ELAVL3: variants seen among roughly 807,000 people sequenced by gnomAD.
ELAVL3 encodes the protein ELAV like RNA binding protein 3, also known as ELAV-like protein 3.
ELAVL3 carries 8 observed loss-of-function variants against 34.2 expected under a neutral mutation model. That is an observed-to-expected ratio of 0.23 (90% CI 0.14 to 0.42). The LOEUF (loss-of-function observed/expected upper bound fraction) is 0.42. Ranked by LOEUF, ELAVL3 falls within the 10% of genes least tolerant of loss-of-function variation. The pLI is 1.00. For synonymous variants in ELAVL3, 209 were observed against 222.1 expected (o/e 0.94, Z 0.53); for missense variants, 273 against 518.8 (o/e 0.53, Z 4.60).
At chr19:11,470,654 C>G (rs1395837922) in intron 1 of ELAVL3, among the ~76,000 whole-genome samples, 1 of 151,980 alleles carries the variant, frequency 6.6e-6, no homozygotes, top group African/African-American at 2.4e-5. Flanking sequence ...CCAGCCTGGG[C>G]AACAAGAGCG....
chr19:11,472,083 G>A (rs1004490930), intron 1 of ELAVL3, among the ~76,000 whole-genome samples: 1 of 152,162 alleles, frequency 6.6e-6, no homozygotes, highest in African/African-American at 2.4e-5. Flanking sequence ...GGTGGGTCAC[G>A]GCTGTAATCC....
chr19:11,478,997 G>A (rs1044818687), intron 1 of ELAVL3, among the ~76,000 whole-genome samples: 2 of 152,128 alleles, frequency 1.3e-5, no homozygotes, highest in Admixed American at 6.6e-5. Flanking sequence ...CTTCCTCCCA[G>A]CCTGTCCCCA....
chr19:11,477,657 C>T (rs186634522), intron 1 of ELAVL3, among the ~76,000 whole-genome samples: 2 of 151,170 alleles, frequency 1.3e-5, no homozygotes, highest in East Asian at 3.9e-4. Context: ...GTTGGCAGTA[C>T]ACAAGCCACT....
intron 3 of ELAVL3, among the ~76,000 whole-genome samples, chr19:11,463,419 C>G (rs989286712): frequency 3.9e-5 from 6 of 152,176 alleles, no homozygotes; most frequent in African/African-American, 1.4e-4. Flanking sequence ...GAGGGTGACA[C>G]AGGCCACTGT....
At chr19:11,473,519 G>A (rs1461428655) in intron 1 of ELAVL3, among the ~76,000 whole-genome samples, 1 of 152,196 alleles carries the variant, frequency 6.6e-6, no homozygotes, top group Non-Finnish European at 1.5e-5. Context: ...CCTGACTCAA[G>A]CTCCAATATC....
intron 1 of ELAVL3, among the ~76,000 whole-genome samples, chr19:11,471,375 G>A (rs1450223273): frequency 6.6e-6 from 1 of 151,758 alleles, no homozygotes; most frequent in Non-Finnish European, 1.5e-5. Flanking sequence ...AGCACTTTGG[G>A]AGGCCGAGGC....
intron 1 of ELAVL3, among the ~76,000 whole-genome samples, chr19:11,467,223 G>C (rs1031108035): frequency 2.6e-5 from 4 of 151,994 alleles, no homozygotes; most frequent in African/African-American, 9.7e-5. Flanking sequence ...GGGAGTTCGA[G>C]ACCAGCCAGA....
chr19:11,454,448 CTT>C lies in ELAVL3; in HGVS notation c.*76_*77del. 6 of 1,289,988 alleles carry C rather than the reference CTT, an allele frequency of 4.7e-6. No individual in the cohort carries two copies. The highest frequency in any genetic ancestry group is 2.5e-5 in the East Asian group (1 of 39,224). The allele number at this position is 1,289,988 out of a possible 1,614,324, so 79.9% of individuals were successfully genotyped here. ...TGCCTGTGCTGTCTCTCTTGGGCCC[CTT>C]CTCTCTCTCTCTCTCTCTTTCTCTC... On this transcript the variant is annotated 3_prime_UTR_variant, in exon 7 of 7. Coordinates refer to ENST00000359227, the MANE Select transcript of ELAVL3 (RefSeq NM_001420.4). The surrounding 1 kb of genome is among the most constrained non-coding windows in gnomAD (Gnocchi z 9.2).
chr19:11,465,637 C>T (rs114199763), intron 3 of ELAVL3, among the ~76,000 whole-genome samples: 3,411 of 152,160 alleles, frequency 0.022, 118 homozygotes, highest in African/African-American at 0.078. Flanking sequence ...ATTTGCAGGG[C>T]GGAGCCCAAA....
Position 11,466,417 on chromosome 19 carries a change from A to T in ELAVL3, c.230-142T>A, listed in dbSNP as rs949159586. The T allele has an allele frequency of 7.0e-6, 7 of 998,750 alleles. No individual in the cohort carries two copies. The highest frequency in any genetic ancestry group is 7.6e-6 in the Non-Finnish European group (5 of 658,472). 61.9% of individuals were successfully genotyped at this position (998,750 alleles called of 1,614,324 possible). A position where few individuals can be genotyped will look rare whatever the true frequency, so the allele number is the denominator to read the frequency against. On this transcript the variant is annotated intron_variant, in intron 2 of 6. Transcript: ENST00000359227. The surrounding 1 kb of genome is among the most constrained non-coding windows in gnomAD (Gnocchi z 5.0). ...ATGACACCTTCGATGCTAGAGTCCC[A>T]CCTGCCTCCATCGCTCCTGAGACCT...
intron 1 of ELAVL3, among the ~76,000 whole-genome samples, chr19:11,479,559 G>A (rs1299345811): frequency 6.6e-6 from 1 of 151,858 alleles, no homozygotes; most frequent in African/African-American, 2.4e-5. Context: ...GCCGGGGTGG[G>A]GCTATAACTG....
At position 11,473,296 on chromosome 19, in the gene ELAVL3, C is replaced by T. The variant is rs568019728; in HGVS notation, c.10-6469G>A. On this transcript the variant is annotated intron_variant, in intron 1 of 6. Coordinates refer to ENST00000359227, the MANE Select transcript of ELAVL3 (RefSeq NM_001420.4). Reference sequence around the variant, plus strand: ...AGGGGAATGGTGTGAACCCAGGAGACGGAGCTTGCAATGAGCCGAGATCGC... The same window carrying T: ...AGGGGAATGGTGTGAACCCAGGAGATGGAGCTTGCAATGAGCCGAGATCGC... 4.7e-5 allele frequency among the ~76,000 whole-genome samples: 7 copies of T among 147,456 alleles called. No homozygotes were observed. The South Asian group carries it at 8.7e-4, about 18-fold the overall frequency.
intron 3 of ELAVL3, among the ~76,000 whole-genome samples, chr19:11,464,169 T>A (rs12983107): frequency 0.075 from 5,412 of 72,344 alleles, 129 homozygotes; most frequent in East Asian, 0.15. Flanking sequence ...ATATATATAT[T>A]TTTTTTTTTT....
rs753277933 is a variant in ELAVL3, at chr19:11,458,483, G to T, written c.462C>A (p.Ser154=). Reference sequence around the variant, plus strand: ...CTGTGACCTGGTCCACCAGGATGCGGGACGTGATGATGCGGCCGTACTGGG... The same window carrying T: ...CTGTGACCTGGTCCACCAGGATGCGTGACGTGATGATGCGGCCGTACTGGG... ...LFSQYGRIIT[S]RILVDQVTGV... Residue 154 remains serine, a synonymous_variant, in exon 4 of 7, where the codon TCC becomes TCA. Transcript: ENST00000359227. This position sits in a 1 kb window ranked among gnomAD's most constrained non-coding sequence, Gnocchi z 7.3. 6.2e-7 allele frequency: 1 copy of T among 1,614,042 alleles called. No individual in the cohort carries two copies. Among genetic ancestry groups the T allele is most frequent in the African/African-American group, 1.3e-5 (1 of 74,936 alleles).
Position 11,471,572 on chromosome 19 carries a change from C to G in ELAVL3, c.10-4745G>C, listed in dbSNP as rs539878606. On this transcript the variant is annotated intron_variant, in intron 1 of 6. Coordinates refer to ENST00000359227, the MANE Select transcript of ELAVL3 (RefSeq NM_001420.4). ...AGTTTGCAGTGAGCTGAGATCGCGC[C>G]ATTGCACTCCAGCCTGGGCGACAGA... is the stretch of plus-strand genomic sequence containing the variant. Among the ~76,000 whole-genome samples the G allele has an allele frequency of 1.9e-4, 29 of 151,920 alleles. No homozygotes were observed. In the South Asian group the frequency reaches 5.8e-3, roughly 30 times the overall value.
At chr19:11,467,191 G>T (rs902502836) in intron 1 of ELAVL3, among the ~76,000 whole-genome samples, 4 of 152,102 alleles carry the variant, frequency 2.6e-5, no homozygotes, top group African/African-American at 9.7e-5. Flanking sequence ...GGGAAGCTGA[G>T]GCGGGCGGAT....
In ELAVL3 at chr19:11,480,830, G is replaced by T. The variant is rs1165015414; in HGVS notation, c.-222C>A. The T allele has an allele frequency of 2.6e-6, 1 of 390,052 alleles. No individual in the cohort carries two copies. Among genetic ancestry groups the T allele is most frequent in the Non-Finnish European group, 4.5e-6 (1 of 222,614 alleles). The allele number at this position is 390,052 out of a possible 1,614,324, so 24.2% of individuals were successfully genotyped here. A position where few individuals can be genotyped will look rare whatever the true frequency, so the allele number is the denominator to read the frequency against. ...CCGGGCCCCGGGGTGGCCTGCGGGCGGCAGGGGATGGAAAGAGGGAGCGGG... is the reference window on the plus strand; with the variant it reads ...CCGGGCCCCGGGGTGGCCTGCGGGCTGCAGGGGATGGAAAGAGGGAGCGGG... On this transcript the variant is annotated 5_prime_UTR_variant, in exon 1 of 7. Transcript: ENST00000359227. The surrounding 1 kb of genome is among the most constrained non-coding windows in gnomAD (Gnocchi z 6.8).
Position 11,458,678 on chromosome 19 carries a change from C to T in ELAVL3, c.334-67G>A. ...CATTTCACAGATGGAGAGAGTGAGG[C>T]CATGTCTAAACCATCACGGAGTTAG... On this transcript the variant is annotated intron_variant, in intron 3 of 6. Coordinates refer to ENST00000359227, the MANE Select transcript of ELAVL3 (RefSeq NM_001420.4). This position sits in a 1 kb window ranked among gnomAD's most constrained non-coding sequence, Gnocchi z 7.3. The T allele has an allele frequency of 6.3e-7, 1 of 1,582,990 alleles. No homozygotes were observed.
intron 3 of ELAVL3, among the ~76,000 whole-genome samples, chr19:11,465,020 T>TACACACACCAC (rs1256181544): frequency 0.073 from 3,610 of 49,554 alleles, 204 homozygotes; most frequent in African/African-American, 0.21. Flanking sequence ...TACATACACA[T>TACACACACCAC]ACACACACCA....
Sources: allele counts gnomAD v4.1 joint callset (sites outside exome capture counted in the v4.1 genomes callset), GRCh38; gene constraint gnomAD v4.1.1; non-coding constraint Gnocchi (gnomAD v3.1); transcripts MANE v1.5; gene names NCBI Gene and HGNC (gene_info 2026-07-23, HGNC 2026-07-21).